Variants in SLC4A4 observed in about 807,000 individuals in gnomAD.
SLC4A4 encodes the protein electrogenic sodium bicarbonate cotransporter 1.
SLC4A4 carries 27 observed loss-of-function variants against 111.5 expected under a neutral mutation model. The observed-to-expected ratio is 0.24, with a 90% confidence interval of 0.18 to 0.33. The LOEUF (loss-of-function observed/expected upper bound fraction) is 0.33, where lower values mean the gene tolerates loss of function less well. Among genes scored for constraint, SLC4A4 ranks in the 10% least tolerant of loss-of-function variants. The pLI, the probability that SLC4A4 is intolerant of heterozygous loss-of-function variation, is 1.00. For synonymous variants in SLC4A4, 443 were observed against 463.4 expected, an observed-to-expected ratio of 0.96 and a Z score of 0.57; for missense variants, 909 against 1,315.5, an observed-to-expected ratio of 0.69 and a Z score of 4.78.
At chr4:71,064,425 C>T (rs1387709841) in intron 1 of SLC4A4, among the ~76,000 whole-genome samples, 2 of 151,992 alleles carry the variant, frequency 1.3e-5, no homozygotes, top group African/African-American at 4.8e-5. Context: ...TAGAGTCATG[C>T]CTTTGAAGGG....
chr4:71,174,497 T>C (rs1048656085), intron 2 of SLC4A4, among the ~76,000 whole-genome samples: 5 of 151,926 alleles, frequency 3.3e-5, no homozygotes, highest in Non-Finnish European at 7.4e-5. Context: ...ATCCACCCAC[T>C]TCAGCCTCCC....
chr4:71,438,243 A>G (rs1315729992), intron 7 of SLC4A4, among the ~76,000 whole-genome samples: 1 of 152,222 alleles, frequency 6.6e-6, no homozygotes, highest in Non-Finnish European at 1.5e-5. Context: ...GCACCTTTGC[A>G]ATTATTTTTG....
At position 71,379,196 on chromosome 4, in the gene SLC4A4, T is replaced by A. The variant is rs79465622; in HGVS notation, c.731-18381T>A. Among the ~76,000 whole-genome samples the A allele has an allele frequency of 9.0e-3, 1,374 of 152,266 alleles. 25 individuals are homozygous for A. The highest frequency in any genetic ancestry group is 0.032 in the African/African-American group (1,322 of 41,552). The stretch of plus-strand genomic sequence containing the variant: ...AAAAACCTTTAGTGATGACTCTCTA[T>A]CATTTTTAAACTCAGGTTCATGTTC... On this transcript the variant is annotated intron_variant, in intron 6 of 25. Coordinates refer to ENST00000264485, the MANE Select transcript of SLC4A4 (RefSeq NM_001098484.3).
At chr4:71,115,876 A>G (rs968429591) in intron 2 of SLC4A4, among the ~76,000 whole-genome samples, 2 of 152,116 alleles carry the variant, frequency 1.3e-5, no homozygotes, top group East Asian at 1.9e-4. Flanking sequence ...TATTTAACAT[A>G]TATTCTTTTT....
At chr4:71,326,068 T>C (rs1293995273) in intron 3 of SLC4A4, among the ~76,000 whole-genome samples, 2 of 151,930 alleles carry the variant, frequency 1.3e-5, no homozygotes, top group African/African-American at 2.4e-5. Flanking sequence ...TGCACTACCT[T>C]ATGTCTACTT....
chr4:71,089,041 C>G (rs923946533), intron 1 of SLC4A4, among the ~76,000 whole-genome samples: 10 of 152,226 alleles, frequency 6.6e-5, no homozygotes, highest in Non-Finnish European at 1.5e-4. Context: ...TTCGGTACAC[C>G]AGTCAGAGGT....
intron 16 of SLC4A4, among the ~76,000 whole-genome samples, chr4:71,527,511 G>A (rs1021148188): frequency 3.3e-5 from 5 of 152,020 alleles, no homozygotes; most frequent in Non-Finnish European, 7.4e-5. Context: ...GTGTGGGCCA[G>A]GGAAGAGGAG....
chr4:71,436,276 G>A (rs1724138359), intron 7 of SLC4A4, among the ~76,000 whole-genome samples: 1 of 152,152 alleles, frequency 6.6e-6, no homozygotes, highest in Admixed American at 6.5e-5. Flanking sequence ...GATGAAGCTG[G>A]AAACCATCAT....
intron 3 of SLC4A4, among the ~76,000 whole-genome samples, chr4:71,292,843 T>G (rs1384898063): frequency 1.4e-5 from 1 of 73,166 alleles, no homozygotes; most frequent in Admixed American, 1.7e-4. Context: ...GTTTTTTTTG[T>G]TTTTTTTTTT....
intron 2 of SLC4A4, among the ~76,000 whole-genome samples, chr4:71,104,158 A>T (rs1183432509): frequency 3.5e-5 from 1 of 28,910 alleles, no homozygotes; most frequent in Non-Finnish European, 6.8e-5. Context: ...ACGCAAATAA[A>T]CTAGAAAATC....
At position 71,087,860 on chromosome 4, in the gene SLC4A4, G is replaced by A. The variant is rs551481778; in HGVS notation, c.-64-4870G>A. ...AGTTTTGGAATAGGTGTGGTGTGGT[G>A]CTGAGAAGAATGTATATTCTGTTGA... On this transcript the variant is annotated intron_variant, in intron 1 of 26. Transcript: ENST00000649996. Among the ~76,000 whole-genome samples the A allele has an allele frequency of 5.7e-4, 86 of 152,106 alleles. 4 individuals are homozygous for A. The highest frequency in any genetic ancestry group is 2.1e-3 in the African/African-American group (85 of 41,396).
intron 7 of SLC4A4, among the ~76,000 whole-genome samples, chr4:71,433,627 C>G (rs1412577520): frequency 1.3e-5 from 2 of 152,050 alleles, no homozygotes; most frequent in African/African-American, 4.8e-5. Context: ...TGCAGAAGCT[C>G]TTTAGTTTAA....
chr4:71,093,660 A>T (rs2148942286), intron 2 of SLC4A4, among the ~76,000 whole-genome samples: 1 of 151,128 alleles, frequency 6.6e-6, no homozygotes, highest in Middle Eastern at 3.4e-3. Context: ...TCAATAAATG[A>T]TTGCTATTGT....
At chr4:71,377,302 G>C (rs1240671601) in intron 6 of SLC4A4, among the ~76,000 whole-genome samples, 1 of 152,174 alleles carries the variant, frequency 6.6e-6, no homozygotes, top group Non-Finnish European at 1.5e-5. Context: ...GAACCAGATG[G>C]TTCAAATCAG....
At chr4:71,526,584 C>T in intron 16 of SLC4A4, among the ~76,000 whole-genome samples, 1 of 152,036 alleles carries the variant, frequency 6.6e-6, no homozygotes, top group South Asian at 2.1e-4. Flanking sequence ...TTATACGTAT[C>T]ATTAACATAT....
intron 1 of SLC4A4, among the ~76,000 whole-genome samples, chr4:71,212,321 T>C (rs1718184067): frequency 6.6e-6 from 1 of 152,210 alleles, no homozygotes; most frequent in Non-Finnish European, 1.5e-5. Flanking sequence ...TTAGTTTTAA[T>C]GTAGTCACCA....
At chr4:71,501,649 A>G (rs1485866914) in intron 16 of SLC4A4, among the ~76,000 whole-genome samples, 1 of 149,498 alleles carries the variant, frequency 6.7e-6, no homozygotes, top group Non-Finnish European at 1.5e-5. Flanking sequence ...TTAATTAATT[A>G]GTTAATATTT....
At position 71,066,546 on chromosome 4, in the gene SLC4A4, A is replaced by G. The variant is rs184465493; in HGVS notation, c.-65+3758A>G. On this transcript the variant is annotated intron_variant, in intron 1 of 26. Transcript: ENST00000649996. The stretch of plus-strand genomic sequence containing the variant: ...AAAATAAGAAGTTTTTGATTCATAC[A>G]TAGCAGAAACAGTTCCAGAGAGGTG... 2.3e-3 allele frequency among the ~76,000 whole-genome samples: 355 copies of G among 152,348 alleles called. 3 individuals are homozygous for G. Among genetic ancestry groups the G allele is most frequent in the African/African-American group, 8.1e-3 (338 of 41,574 alleles).
intron 2 of SLC4A4, among the ~76,000 whole-genome samples, chr4:71,157,801 G>T (rs1744518033): frequency 6.6e-6 from 1 of 152,130 alleles, no homozygotes; most frequent in Non-Finnish European, 1.5e-5. Flanking sequence ...GAGAAATGAT[G>T]AAACAGCGAC....
Sources: gnomAD v4.1 joint callset for allele counts (sites outside exome capture counted in the v4.1 genomes callset) on GRCh38, gnomAD v4.1.1 for gene constraint, MANE v1.5 for transcripts, NCBI Gene and HGNC (gene_info 2026-07-23, HGNC 2026-07-21) for gene names.